CNOT6: variants seen among roughly 807,000 people sequenced by gnomAD.
CNOT6 encodes CCR4-NOT transcription complex subunit 6, also known as carbon catabolite repression 4 protein.
In CNOT6, 12 loss-of-function variants were observed where a neutral mutation model predicts 61.2. The observed-to-expected ratio is 0.20, with a 90% CI of 0.13 to 0.32. The LOEUF is 0.32. Among genes scored for constraint, CNOT6 ranks in the 10% least tolerant of loss-of-function variants. The pLI is 1.00. For missense variants in CNOT6, 405 were observed against 663.9 expected (o/e 0.61, Z 4.28); for synonymous variants, 225 against 240.6 (o/e 0.94, Z 0.60).
intron 1 of CNOT6, among the ~76,000 whole-genome samples, chr5:180,502,398 GATTATCTGATGTAAACTCATAATATTACA>G (rs1756904897): frequency 6.6e-6 from 1 of 152,178 alleles, no homozygotes; most frequent in Non-Finnish European, 1.5e-5. Context: ...TAGCGGTAGA[GATTATCTGATGTAAACTCATAATATTACA>G]ATTTTCAGCC....
chr5:180,516,178 C>T (rs891936491), intron 1 of CNOT6, among the ~76,000 whole-genome samples: 16 of 133,890 alleles, frequency 1.2e-4, no homozygotes, highest in Non-Finnish European at 2.6e-4. Flanking sequence ...TGGGAAAATT[C>T]AGGATTTTTT....
intron 1 of CNOT6, among the ~76,000 whole-genome samples, chr5:180,511,005 A>G (rs568225145): frequency 1.3e-5 from 2 of 152,144 alleles, no homozygotes; most frequent in South Asian, 4.2e-4. Flanking sequence ...GGGTTTTGCC[A>G]TGTTGGCCAG....
At chr5:180,572,224 C>CT (rs1278034130) in intron 11 of CNOT6, among the ~76,000 whole-genome samples, 1 of 152,146 alleles carries the variant, frequency 6.6e-6, no homozygotes, top group Non-Finnish European at 1.5e-5. Context: ...CAGTCTTGCT[C>CT]TGTTGCCCAG....
chr5:180,495,774 T>C (rs749635105), intron 1 of CNOT6: 2 of 152,246 alleles, frequency 1.3e-5, no homozygotes, highest in Non-Finnish European at 2.9e-5. Flanking sequence ...TAGCACTTTG[T>C]ATTTTTTACA....
At chr5:180,500,708 A>G (rs969972248) in intron 1 of CNOT6, among the ~76,000 whole-genome samples, 6 of 152,208 alleles carry the variant, frequency 3.9e-5, no homozygotes, top group South Asian at 2.1e-4. Flanking sequence ...TGAACAATCT[A>G]TGTGTCAGGT....
Position 180,564,716 on chromosome 5 carries a change from C to T in CNOT6, c.532C>T (p.Gln178Ter), listed in dbSNP as rs1348309016. ...QPPPRSWIML[Q>*]EPDRTRPTAL... ...ACCTCCAAGGTCTTGGATTATGTTA[C>T]AAGAACCAGATAGGACAAGGCCAAC... Residue 178 changes from glutamine (Q) to a stop codon, truncating the protein, a stop_gained, in exon 6 of 12, where the codon CAA becomes TAA. Coordinates refer to ENST00000261951, the MANE Select transcript of CNOT6 (RefSeq NM_001370472.1). LOFTEE classifies it high-confidence loss of function. 6.2e-7 allele frequency: 1 copy of T among 1,613,978 alleles called. No homozygotes were observed. The highest frequency in any genetic ancestry group is 8.5e-7 in the Non-Finnish European group (1 of 1,179,852).
chr5:180,518,554 T>C (rs1757748708), intron 1 of CNOT6, among the ~76,000 whole-genome samples: 1 of 152,172 alleles, frequency 6.6e-6, no homozygotes, highest in African/African-American at 2.4e-5. Flanking sequence ...GGTCTCACTC[T>C]GTCACCCAGG....
In CNOT6 at chr5:180,574,101, C is replaced by G. The variant is rs753754550; in HGVS notation, c.1575C>G (p.Pro525=). The G allele has an allele frequency of 6.2e-7, 1 of 1,614,100 alleles. No individual in the cohort carries two copies. The highest frequency in any genetic ancestry group is 8.5e-7 in the Non-Finnish European group (1 of 1,179,974). Residue 525 remains proline (P), a synonymous_variant, in exon 12 of 12, where the codon CCC becomes CCG. Coordinates refer to ENST00000261951, the MANE Select transcript of CNOT6 (RefSeq NM_001370472.1). ...ATAACATCAGTGGCTGCCCGCACCC[C>G]CTCATCCCCTCTGACCACTTCTCAC... ...VENNISGCPH[P]LIPSDHFSLF...
At chr5:180,513,100 T>C (rs1311752516) in intron 1 of CNOT6, among the ~76,000 whole-genome samples, 1 of 151,884 alleles carries the variant, frequency 6.6e-6, no homozygotes, top group Non-Finnish European at 1.5e-5. Context: ...CATTTCACCT[T>C]GTTAGCCAGG....
chr5:180,519,592 T>C (rs908470014), intron 1 of CNOT6, among the ~76,000 whole-genome samples: 2 of 152,184 alleles, frequency 1.3e-5, no homozygotes. Flanking sequence ...TGAGTCTTGA[T>C]AAATATGTAT....
intron 1 of CNOT6, among the ~76,000 whole-genome samples, chr5:180,524,358 G>A (rs945113915): frequency 6.6e-6 from 1 of 152,058 alleles, no homozygotes; most frequent in Non-Finnish European, 1.5e-5. Flanking sequence ...CTAATCTGCA[G>A]TGCTATACTT....
intron 1 of CNOT6, among the ~76,000 whole-genome samples, chr5:180,502,569 A>G (rs1756913126): frequency 6.6e-6 from 1 of 152,258 alleles, no homozygotes; most frequent in African/African-American, 2.4e-5. Flanking sequence ...GCAAAGAGGA[A>G]ATCATTAGAC....
chr5:180,527,381 TTCTGTATTCTGCGTCTGGATG>T (rs1311136795), intron 1 of CNOT6, among the ~76,000 whole-genome samples: 1 of 152,242 alleles, frequency 6.6e-6, no homozygotes, highest in African/African-American at 2.4e-5. Context: ...CATCTAGAAC[TTCTGTATTCTGCGTCTGGATG>T]TCTGTATTCT....
intron 11 of CNOT6, among the ~76,000 whole-genome samples, chr5:180,573,590 TGTGTGTGTGTGTCC>T (rs1420331555): frequency 0.18 from 8,450 of 45,782 alleles, 313 homozygotes; most frequent in South Asian, 0.36. Flanking sequence ...TGTGTGTGTG[TGTGTGTGTGTGTCC>T]GTCCGTCCGT....
chr5:180,518,760 C>T (rs1239401212), intron 1 of CNOT6, among the ~76,000 whole-genome samples: 1 of 152,200 alleles, frequency 6.6e-6, no homozygotes, highest in Non-Finnish European at 1.5e-5. Context: ...CTTGGCCTCC[C>T]AAAGTGCTGG....
intron 4 of CNOT6, among the ~76,000 whole-genome samples, chr5:180,553,902 T>C (rs141346011): frequency 3.0e-4 from 45 of 152,314 alleles, no homozygotes; most frequent in African/African-American, 1.1e-3. Flanking sequence ...AAAAACTTGA[T>C]TTATGAGGAC....
At chr5:180,552,538 C>A (rs1020266990) in intron 3 of CNOT6, among the ~76,000 whole-genome samples, 1 of 151,104 alleles carries the variant, frequency 6.6e-6, no homozygotes, top group Admixed American at 6.6e-5. Flanking sequence ...CCCAGTTACT[C>A]GGGAGGCTGA....
At chr5:180,572,300 A>G (rs1760788869) in intron 11 of CNOT6, among the ~76,000 whole-genome samples, 1 of 151,386 alleles carries the variant, frequency 6.6e-6, no homozygotes, top group African/African-American at 2.4e-5. Flanking sequence ...AGTGATTCTC[A>G]TACCTCAGCC....
At chr5:180,542,962 C>T (rs917403736) in intron 2 of CNOT6, among the ~76,000 whole-genome samples, 7 of 152,052 alleles carry the variant, frequency 4.6e-5, no homozygotes, top group African/African-American at 1.2e-4. Context: ...TCTTGTATTG[C>T]GTAGTTCAAT....
Sources: allele counts gnomAD v4.1 joint callset (sites outside exome capture counted in the v4.1 genomes callset), GRCh38; gene constraint gnomAD v4.1.1; transcripts MANE v1.5; gene names NCBI Gene and HGNC (gene_info 2026-07-23, HGNC 2026-07-21).